The following RSAD1 variants were observed in gnomAD, a reference collection of about 807,000 sequenced individuals.
The protein encoded by RSAD1 is radical S-adenosyl methionine domain-containing protein 1, mitochondrial.
In RSAD1, 34 loss-of-function variants were observed where a neutral mutation model predicts 46.2. The ratio of observed to expected loss-of-function variants is 0.74; its 90% CI spans 0.56 to 0.98. RSAD1 has a LOEUF of 0.98. RSAD1 is among the 50% of genes least tolerant of loss of function. The probability of loss-of-function intolerance (pLI) is 0.00; values close to 1 mark genes in which losing one functional copy is unlikely to be tolerated. For synonymous variants in RSAD1, 260 were observed against 253.5 expected (o/e 1.03, Z -0.24); for missense variants, 635 against 592.3 (o/e 1.07, Z -0.75).
In RSAD1 at chr17:50,482,339, G is replaced by A. The variant is rs1265136442; in HGVS notation, c.723G>A (p.Gln241=). Residue 241 remains glutamine (Q), a synonymous_variant, in exon 4 of 9, where the codon CAG becomes CAA. Transcript: ENST00000258955. ...GCACCGCACTCTTCGCCCAGGTGCA[G>A]CGGGGTGCCCTTCCAGCCCCTGACC... is the stretch of plus-strand genomic sequence containing the variant. ...ERGTALFAQV[Q]RGALPAPDPE... 1 of 1,612,570 alleles carries A rather than the reference G, an allele frequency of 6.2e-7. No homozygotes were observed. The highest frequency in any genetic ancestry group is 1.1e-5 in the South Asian group (1 of 90,828).
rs1431946791 is a variant in RSAD1, at chr17:50,482,303, C to A, written c.687C>A (p.Ser229=). The change falls in exon 4 of 9, where the codon TCC becomes TCA. Residue 229 remains serine, a synonymous_variant. Coordinates refer to ENST00000258955, the MANE Select transcript of RSAD1 (RefSeq NM_018346.3). ...ACCACCTCTCCCTCTACCAGCTGTCCCTGGAGCGGGGCACCGCACTCTTCG... is the reference window on the plus strand; with the variant it reads ...ACCACCTCTCCCTCTACCAGCTGTCACTGGAGCGGGGCACCGCACTCTTCG... ...CDDHLSLYQL[S]LERGTALFAQ... is the part of the protein sequence containing the mutation. 1 of 1,608,540 alleles carries A rather than the reference C, an allele frequency of 6.2e-7. No individual in the cohort carries two copies.
intron 4 of RSAD1, 86 bp from the exon 5 acceptor site, chr17:50,482,557 G>C: frequency 6.2e-7 from 1 of 1,612,314 alleles, no homozygotes; most frequent in Admixed American, 1.7e-5. Flanking sequence ...CCGAGATGGT[G>C]GGACATTCTA....
Position 50,484,829 on chromosome 17 carries a change from C to G in RSAD1, c.1297C>G (p.Gln433Glu). The change falls in exon 9 of 9, where the codon CAG becomes GAG. Residue 433 changes from glutamine to glutamate, a missense_variant. Transcript: ENST00000258955. ...LLPQLQEAWQ[Q>E]RTPSPVPGG is the part of the protein sequence containing the mutation. ...GCCTCAGCTCCAAGAAGCCTGGCAG[C>G]AGAGAACCCCCTCCCCTGTGCCAGG... The G allele has an allele frequency of 6.2e-7, 1 of 1,614,002 alleles. No homozygotes were observed. Among genetic ancestry groups the G allele is most frequent in the Non-Finnish European group, 8.5e-7 (1 of 1,179,948 alleles).
intron 8 of RSAD1, 58 bp downstream of exon 8, chr17:50,484,603 A>G (rs1297284300): frequency 1.9e-6 from 3 of 1,565,354 alleles, no homozygotes; most frequent in Non-Finnish European, 1.8e-6. Flanking sequence ...CCCTGACTAC[A>G]GCTCTCCACA....
At chr17:50,479,268 C>T (rs4794152) in intron 1 of RSAD1, 169,765 of 479,526 alleles carry the variant, frequency 0.35, 32,458 homozygotes, top group Middle Eastern at 0.41. Flanking sequence ...TAACAATTTT[C>T]CTCTTAGCAA....
In RSAD1 at chr17:50,482,658, C is replaced by T. The variant is rs948134735; in HGVS notation, c.856C>T (p.His286Tyr). Reference protein sequence around the residue: ...NFARNGALSTHNWTYWQCGQY... With the variant: ...NFARNGALSTYNWTYWQCGQY... The stretch of plus-strand genomic sequence containing the variant: ...CTCCCCGCAGGGGGCGCTCAGTACC[C>T]ACAATTGGACTTACTGGCAGTGTGG... The change falls in exon 5 of 9, where the codon CAC (histidine) becomes TAC (tyrosine). Residue 286 changes from histidine to tyrosine, a missense_variant. Coordinates refer to ENST00000258955, the MANE Select transcript of RSAD1 (RefSeq NM_018346.3). The T allele has an allele frequency of 6.2e-7, 1 of 1,614,040 alleles. No individual in the cohort carries two copies. Among genetic ancestry groups the T allele is most frequent in the African/African-American group, 1.3e-5 (1 of 74,924 alleles).
Position 50,478,936 on chromosome 17 carries a change from GC to G in RSAD1, c.55del (p.Gln19ArgfsTer58). 7.2e-7 allele frequency: 1 copy of G among 1,384,168 alleles called. No individual in the cohort carries two copies. The highest frequency in any genetic ancestry group is 9.3e-7 in the Non-Finnish European group (1 of 1,075,306). 85.7% of individuals were successfully genotyped at this position (1,384,168 alleles called of 1,614,324 possible). ...ARGWAAAARAAQRRRRVENAG... is the reference protein window; with the variant it reads ...ARGWAAAARAXQRRRRVENAG... ...CGGCTGGGCGGCAGCAGCCAGAGCG[GC>G]CCAGAGGCGCCGCCGCGTGGAGAAC... On this transcript the variant is annotated frameshift_variant, in exon 1 of 9. Transcript: ENST00000258955. LOFTEE classifies it high-confidence loss of function.
chr17:50,483,249 A>T, intron 5 of RSAD1, 91 bp from the exon 6 acceptor site: 1 of 1,182,168 alleles, frequency 8.5e-7, no homozygotes, highest in South Asian at 1.7e-5. Flanking sequence ...AGTATGTTAG[A>T]GGCAGTTGCT....
In RSAD1 at chr17:50,483,289, A is replaced by G. The variant is rs189104700; in HGVS notation, c.905-51A>G. 4.6e-4 allele frequency: 722 copies of G among 1,576,366 alleles called. 5 individuals are homozygous for G. In the African/African-American group the frequency reaches 7.4e-3, roughly 16 times the overall value. Reference sequence around the variant, plus strand: ...GGACCACATGATTTAAATCTGGTAAACACATAGTATTAACAGCCATTAATG... The same window carrying G: ...GGACCACATGATTTAAATCTGGTAAGCACATAGTATTAACAGCCATTAATG... On this transcript the variant is annotated intron_variant, in intron 5 of 8. Transcript: ENST00000258955.
At chr17:50,482,577 C>G in intron 4 of RSAD1, 66 bp from the exon 5 acceptor site, 2 of 1,613,084 alleles carry the variant, frequency 1.2e-6, no homozygotes, top group Non-Finnish European at 1.7e-6. Flanking sequence ...AACCTGGGGC[C>G]CCTTACCTGA....
Position 50,479,612 on chromosome 17 carries a change from G to C in RSAD1, c.136-17G>C, listed in dbSNP as rs763441041. On this transcript the variant is annotated splice_polypyrimidine_tract_variant and intron_variant, in intron 1 of 8. Transcript: ENST00000258955. Reference sequence around the variant, plus strand: ...CCAGGGCAGCTCTCACCGCGCACGTGCACTCACTGCCCCCAGTGGCCTTAC... The same window carrying C: ...CCAGGGCAGCTCTCACCGCGCACGTCCACTCACTGCCCCCAGTGGCCTTAC... 1 of 1,613,182 alleles carries C rather than the reference G, an allele frequency of 6.2e-7. No homozygotes were observed. Among genetic ancestry groups the C allele is most frequent in the African/African-American group, 1.3e-5 (1 of 74,922 alleles).
In RSAD1 at chr17:50,480,074, T is replaced by C. The variant is rs776521443; in HGVS notation, c.464T>C (p.Ile155Thr). ...GCAGCAGGGGTTAACAGGTTGTCTATAGGCCTCCAGGTAACCCATGGCACT... is the reference window on the plus strand; with the variant it reads ...GCAGCAGGGGTTAACAGGTTGTCTACAGGCCTCCAGGTAACCCATGGCACT... ...FGAAGVNRLSIGLQSLDDTEL... is the reference protein window; with the variant it reads ...FGAAGVNRLSTGLQSLDDTEL... The change falls in exon 3 of 9, where the codon ATA becomes ACA. Residue 155 changes from isoleucine to threonine, a missense_variant. By Grantham distance (89) the Ile-to-Thr change is moderately conservative (BLOSUM62 -1). Coordinates refer to ENST00000258955, the MANE Select transcript of RSAD1 (RefSeq NM_018346.3). 2 of 1,613,984 alleles carry C rather than the reference T, an allele frequency of 1.2e-6. No homozygotes were observed. The highest frequency in any genetic ancestry group is 1.7e-6 in the Non-Finnish European group (2 of 1,180,022).
In RSAD1 at chr17:50,485,113, C is replaced by G; in HGVS notation, c.*252C>G. The G allele has an allele frequency of 6.0e-6, 3 of 501,398 alleles. No homozygotes were observed. Among genetic ancestry groups the G allele is most frequent in the Non-Finnish European group, 1.1e-5 (3 of 281,202 alleles). The allele number at this position is 501,398 out of a possible 1,614,324, so 31.1% of individuals were successfully genotyped here. ...TCCATGGCTGGGAATTGCCTACCAC[C>G]CACATCAGCTTCTGTTTACCTTTTT... is the stretch of plus-strand genomic sequence containing the variant. On this transcript the variant is annotated 3_prime_UTR_variant, in exon 9 of 9. Transcript: ENST00000258955.
In RSAD1 at chr17:50,479,996, C is replaced by T; in HGVS notation, c.386C>T (p.Thr129Ile). The change falls in exon 3 of 9, where the codon ACA becomes ATA. Residue 129 changes from threonine to isoleucine, a missense_variant. By Grantham distance (89) the Thr-to-Ile change is moderately conservative. Coordinates refer to ENST00000258955, the MANE Select transcript of RSAD1 (RefSeq NM_018346.3). ...AAHLPADLEV[T>I]LEANPTSAPG... ...CACCTGCCTGCAGACTTGGAAGTCA[C>T]ATTGGAGGCTAATCCTACTTCAGCT... The T allele has an allele frequency of 6.2e-7, 1 of 1,614,224 alleles. No homozygotes were observed. The highest frequency in any genetic ancestry group is 2.2e-5 in the East Asian group (1 of 44,884).
At chr17:50,480,406 A>G in intron 3 of RSAD1, 2 of 357,152 alleles carry the variant, frequency 5.6e-6, no homozygotes, top group Non-Finnish European at 1.1e-5. Flanking sequence ...AGCATGGTAA[A>G]TGTCACCTGT....
At chr17:50,483,848 T>G in intron 7 of RSAD1, 88 bp downstream of exon 7, 7 of 1,196,654 alleles carry the variant, frequency 5.8e-6, no homozygotes, top group Non-Finnish European at 8.1e-6. Flanking sequence ...CACACACATA[T>G]ACCTCCAATT....
Position 50,483,447 on chromosome 17 carries a change from C to T in RSAD1, c.1012C>T (p.His338Tyr). The change falls in exon 6 of 9, where the codon CAT (histidine) becomes TAT (tyrosine). Residue 338 changes from histidine to tyrosine, a missense_variant. His to Tyr is a moderately conservative substitution (Grantham distance 83). Coordinates refer to ENST00000258955, the MANE Select transcript of RSAD1 (RefSeq NM_018346.3). The part of the protein sequence containing the change: ...NWMKEVMLFG[H>Y]GTRKRVPLGR... ...GATGAAGGAGGTGATGCTGTTTGGC[C>T]ATGGCACCCGGAAGCGTGTCCCCCT... The T allele has an allele frequency of 6.2e-7, 1 of 1,613,510 alleles. No individual in the cohort carries two copies. The highest frequency in any genetic ancestry group is 1.7e-4 in the Middle Eastern group (1 of 6,060).
At chr17:50,483,208 AG>A in intron 5 of RSAD1, 131 bp from the exon 6 acceptor site, 4 of 957,996 alleles carry the variant, frequency 4.2e-6, no homozygotes, top group Non-Finnish European at 5.6e-6. Flanking sequence ...AAAGAAAGAA[AG>A]AAAAGAAAAG....
chr17:50,484,819 A>T lies in RSAD1; in HGVS notation c.1287A>T (p.Glu429Asp). 6.2e-7 allele frequency: 1 copy of T among 1,614,008 alleles called. No individual in the cohort carries two copies. Among genetic ancestry groups the T allele is most frequent in the Non-Finnish European group, 8.5e-7 (1 of 1,179,960 alleles). Residue 429 changes from glutamate (E) to aspartate (D), a missense_variant, in exon 9 of 9, where the codon GAA becomes GAT. Physicochemically the swap from Glu to Asp is conservative, Grantham distance 45. Coordinates refer to ENST00000258955, the MANE Select transcript of RSAD1 (RefSeq NM_018346.3). ...TGACCCTCCTGCCTCAGCTCCAAGA[A>T]GCCTGGCAGCAGAGAACCCCCTCCC... ...LLLTLLPQLQ[E>D]AWQQRTPSPV...
Sources: allele counts gnomAD v4.1 joint callset, GRCh38; gene constraint gnomAD v4.1.1; transcripts MANE v1.5; gene names NCBI Gene and HGNC (gene_info 2026-07-23, HGNC 2026-07-21).